The following EYA3 variants were observed in gnomAD, a reference collection of about 807,000 sequenced individuals.
The protein encoded by EYA3 is EYA transcriptional coactivator and phosphatase 3, also known as protein phosphatase EYA3.
EYA3 carries 39 observed loss-of-function variants against 80.0 expected under a neutral mutation model. The ratio of observed to expected loss-of-function variants is 0.49; its 90% CI spans 0.38 to 0.64. The LOEUF is 0.64. Among genes scored for constraint, EYA3 ranks in the 30% least tolerant of loss-of-function variants. The pLI, the probability that EYA3 is intolerant of heterozygous loss-of-function variation, is 0.00. For synonymous variants in EYA3, 206 were observed against 232.8 expected (o/e 0.88, Z 1.05); for missense variants, 523 against 676.1 (o/e 0.77, Z 2.51).
chr1:28,072,442 G>C (rs1399215662), intron 1 of EYA3, among the ~76,000 whole-genome samples: 1 of 152,000 alleles, frequency 6.6e-6, no homozygotes, highest in Non-Finnish European at 1.5e-5. Flanking sequence ...GCTAAGCAGA[G>C]ACTAGTACAG....
At chr1:28,041,828 G>A (rs1193415514) in intron 4 of EYA3, among the ~76,000 whole-genome samples, 1 of 151,968 alleles carries the variant, frequency 6.6e-6, no homozygotes, top group African/African-American at 2.4e-5. Flanking sequence ...GTATTTGAAG[G>A]AAAAAAGGAA....
chr1:28,035,908 C>T (rs1339883324), intron 5 of EYA3, among the ~76,000 whole-genome samples: 2 of 152,042 alleles, frequency 1.3e-5, no homozygotes, highest in African/African-American at 2.4e-5. Flanking sequence ...TCTGCCTCCC[C>T]GGTTCAAGCA....
intron 6 of EYA3, among the ~76,000 whole-genome samples, chr1:28,034,153 A>C (rs1643317003): frequency 6.6e-6 from 1 of 152,106 alleles, no homozygotes; most frequent in Admixed American, 6.5e-5. Context: ...TCTAGGATCC[A>C]TATGCACACA....
chr1:27,992,974 C>T (rs1012578304), intron 14 of EYA3, among the ~76,000 whole-genome samples: 1 of 152,102 alleles, frequency 6.6e-6, no homozygotes, highest in Non-Finnish European at 1.5e-5. Flanking sequence ...ATTGATACTA[C>T]CAACCTACAA....
At chr1:27,981,837 GTATT>G (rs1434131214) in intron 16 of EYA3, among the ~76,000 whole-genome samples, 4 of 151,588 alleles carry the variant, frequency 2.6e-5, no homozygotes, top group Non-Finnish European at 5.9e-5. Flanking sequence ...CACAGTTGCT[GTATT>G]TATTTACTTA....
chr1:28,066,790 G>A (rs1284418197), intron 1 of EYA3, among the ~76,000 whole-genome samples: 1 of 151,976 alleles, frequency 6.6e-6, no homozygotes, highest in Non-Finnish European at 1.5e-5. Context: ...ATAAAACAAT[G>A]TTTATAATAT....
At chr1:28,001,685 G>A (rs1333943871) in intron 11 of EYA3, among the ~76,000 whole-genome samples, 1 of 140,564 alleles carries the variant, frequency 7.1e-6, no homozygotes, top group Admixed American at 7.0e-5. Context: ...CTTGCAGTGA[G>A]CAGAGATCGC....
chr1:28,035,835 GAC>G (rs1420397022), intron 5 of EYA3, among the ~76,000 whole-genome samples, 155 bp from the exon 6 acceptor site: 1 of 150,292 alleles, frequency 6.7e-6, no homozygotes, highest in Non-Finnish European at 1.5e-5. Context: ...TTATTTTTGA[GAC>G]AGAGTCTTGC....
chr1:28,052,549 C>G (rs1294865780), intron 2 of EYA3, among the ~76,000 whole-genome samples: 1 of 152,154 alleles, frequency 6.6e-6, no homozygotes, highest in African/African-American at 2.4e-5. Context: ...TGAACTCGTA[C>G]CTCAAGCCAT....
chr1:28,011,671 A>G (rs1239430089), intron 9 of EYA3, among the ~76,000 whole-genome samples: 1 of 152,206 alleles, frequency 6.6e-6, no homozygotes, highest in Non-Finnish European at 1.5e-5. Context: ...CAGACTGGGA[A>G]ACAGTATGGG....
chr1:27,973,606 A>G lies in EYA3; in HGVS notation c.*860T>C, dbSNP rs1557513642. On this transcript the variant is annotated 3_prime_UTR_variant, in exon 18 of 18. Coordinates refer to ENST00000373871, the MANE Select transcript of EYA3 (RefSeq NM_001990.4). ...AGGGTTGTGCCATTTGACTAAAGGG[A>G]AAAGGGACTGGAAAGAAGACTAAGG... is the stretch of plus-strand genomic sequence containing the variant. The G allele has an allele frequency of 6.6e-6, 1 of 152,060 alleles. No individual in the cohort carries two copies. Among genetic ancestry groups the G allele is most frequent in the Non-Finnish European group, 1.5e-5 (1 of 68,044 alleles). The allele number at this position is 152,060 out of a possible 1,614,324, so 9.4% of individuals were successfully genotyped here. A position where few individuals can be genotyped will look rare whatever the true frequency, so the allele number is the denominator to read the frequency against.
intron 1 of EYA3, among the ~76,000 whole-genome samples, chr1:28,088,177 G>A (rs553054417): frequency 1.3e-5 from 2 of 152,238 alleles, no homozygotes; most frequent in South Asian, 2.1e-4. Context: ...CCAGATCAGG[G>A]GTAGGGGAAA....
chr1:27,983,063 A>C (rs145867238), intron 16 of EYA3, among the ~76,000 whole-genome samples: 29 of 152,298 alleles, frequency 1.9e-4, no homozygotes, highest in African/African-American at 6.3e-4. Context: ...TGTAAGAATT[A>C]CTCAAAGGTA....
chr1:28,013,249 A>C lies in EYA3; in HGVS notation c.631T>G (p.Cys211Gly). 1 of 1,614,152 alleles carries C rather than the reference A, an allele frequency of 6.2e-7. No individual in the cohort carries two copies. The highest frequency in any genetic ancestry group is 8.5e-7 in the Non-Finnish European group (1 of 1,179,992). The change falls in exon 9 of 18, where the codon TGC (cysteine) becomes GGC (glycine). Residue 211 changes from cysteine (C) to glycine (G), a missense_variant. Cys to Gly is a radical substitution (Grantham distance 159). This residue lies in a region of EYA3 where 304 missense variants were observed against 343.3 expected (regional missense o/e 0.89). Coordinates refer to ENST00000373871, the MANE Select transcript of EYA3 (RefSeq NM_001990.4). The surrounding 1 kb of genome is among the most constrained non-coding windows in gnomAD (Gnocchi z 4.0). Reference protein sequence around the residue: ...TILGQNQYQACYPSSSFGVTG... With the variant: ...TILGQNQYQAGYPSSSFGVTG... The stretch of plus-strand genomic sequence containing the variant: ...ACTCCAAAGCTGGAGCTGGGGTAGC[A>C]GGCCTGGTACTGATTCTGACCAAGA...
At chr1:28,012,851 T>A (rs752642857) in intron 9 of EYA3, among the ~76,000 whole-genome samples, 16 of 152,196 alleles carry the variant, frequency 1.1e-4, no homozygotes, top group Non-Finnish European at 2.1e-4. Context: ...GCAAGTGGGT[T>A]AAAGCTACAG....
intron 4 of EYA3, among the ~76,000 whole-genome samples, chr1:28,040,390 T>C (rs1007059539): frequency 6.6e-6 from 1 of 152,146 alleles, no homozygotes; most frequent in African/African-American, 2.4e-5. Flanking sequence ...TTAGGTATGA[T>C]TTTCCTTCCA....
intron 12 of EYA3, among the ~76,000 whole-genome samples, chr1:27,998,700 C>T (rs1640622250): frequency 6.6e-6 from 1 of 150,616 alleles, no homozygotes; most frequent in African/African-American, 2.4e-5. Context: ...ACAGTGAAAC[C>T]CCATCTCTAT....
chr1:28,056,694 G>C (rs570809496), intron 2 of EYA3, among the ~76,000 whole-genome samples: 3 of 152,312 alleles, frequency 2.0e-5, no homozygotes, highest in Admixed American at 1.3e-4. Flanking sequence ...AGAATGACAA[G>C]GAAATGAAGC....
chr1:28,023,839 A>G (rs1642603923), intron 7 of EYA3, among the ~76,000 whole-genome samples: 1 of 152,250 alleles, frequency 6.6e-6, no homozygotes, highest in African/African-American at 2.4e-5. Flanking sequence ...AGTGTAATAT[A>G]CTAACGTAAG....
Sources: gnomAD v4.1 joint callset for allele counts (sites outside exome capture counted in the v4.1 genomes callset) on GRCh38, gnomAD v4.1.1 for gene constraint, gnomAD v4.1.1 regional missense constraint, Gnocchi (gnomAD v3.1) non-coding constraint, MANE v1.5 for transcripts, NCBI Gene and HGNC (gene_info 2026-07-23, HGNC 2026-07-21) for gene names.